PRDM16: variants seen among roughly 807,000 people sequenced by gnomAD.
PRDM16 encodes the protein PR/SET domain 16, also known as histone-lysine N-methyltransferase PRDM16.
In PRDM16, 23 loss-of-function variants were observed where a neutral mutation model predicts 110.6. The observed-to-expected ratio is 0.21, with a 90% CI of 0.15 to 0.29. PRDM16 has a LOEUF of 0.29. Among genes scored for constraint, PRDM16 ranks in the 10% least tolerant of loss-of-function variants. PRDM16 has a pLI of 1.00. For synonymous variants in PRDM16, 799 were observed against 781.8 expected, an observed-to-expected ratio of 1.02 and a Z score of -0.37; for missense variants, 1,615 against 1,794.3, an observed-to-expected ratio of 0.90 and a Z score of 1.81.
At chr1:3,104,544 G>A (rs34368404) in intron 1 of PRDM16, among the ~76,000 whole-genome samples, 15,796 of 152,214 alleles carry the variant, frequency 0.1, 858 homozygotes, top group Middle Eastern at 0.18. Context: ...AAGGGTGGGC[G>A]CCGCAGCCAG....
At chr1:3,374,090 A>G (rs959676123) in intron 3 of PRDM16, among the ~76,000 whole-genome samples, 4 of 152,234 alleles carry the variant, frequency 2.6e-5, no homozygotes, top group African/African-American at 9.6e-5. Context: ...TATATCGGCC[A>G]GCACGAGGCA....
intron 3 of PRDM16, among the ~76,000 whole-genome samples, chr1:3,272,894 A>G (rs1049227256): frequency 1.3e-5 from 2 of 151,844 alleles, no homozygotes; most frequent in Non-Finnish European, 2.9e-5. Context: ...CGGCTCTGCC[A>G]CTCCCCAGCC....
intron 1 of PRDM16, among the ~76,000 whole-genome samples, chr1:3,093,288 G>A (rs1053869616): frequency 6.6e-6 from 1 of 152,232 alleles, no homozygotes; most frequent in Non-Finnish European, 1.5e-5. Context: ...CCATGCTGGG[G>A]CCTGAGCCTG....
intron 1 of PRDM16, among the ~76,000 whole-genome samples, chr1:3,128,804 A>G (rs968834685): frequency 6.6e-6 from 1 of 152,194 alleles, no homozygotes; most frequent in South Asian, 2.1e-4. Flanking sequence ...TAGCCTGAAG[A>G]GTGGACAGCT....
chr1:3,114,836 C>A (rs1465858769), intron 1 of PRDM16, among the ~76,000 whole-genome samples: 1 of 152,268 alleles, frequency 6.6e-6, no homozygotes, highest in East Asian at 1.9e-4. Context: ...TGCAATTGAT[C>A]TCCAGAGTCC....
intron 1 of PRDM16, among the ~76,000 whole-genome samples, chr1:3,089,618 C>A (rs989293803): frequency 1.3e-5 from 2 of 152,260 alleles, no homozygotes; most frequent in African/African-American, 4.8e-5. Context: ...AATGCCCCTG[C>A]CGGTGAGGGG....
intron 1 of PRDM16, among the ~76,000 whole-genome samples, chr1:3,156,820 G>C (rs566465339): frequency 6.6e-6 from 1 of 152,162 alleles, no homozygotes; most frequent in Admixed American, 6.5e-5. Context: ...TCTTCGAGGG[G>C]GGAAGCAGAG....
At position 3,129,646 on chromosome 1, in the gene PRDM16, G is replaced by A. The variant is rs564104157; in HGVS notation, c.38-56479G>A. On this transcript the variant is annotated intron_variant, in intron 1 of 16. Transcript: ENST00000270722. ...TGAAGCAGGTTCTCCCAGGTCCTCC[G>A]CAGTTACGTGGGAGAGCCCAAGGGC... is the stretch of plus-strand genomic sequence containing the variant. Among the ~76,000 whole-genome samples the A allele has an allele frequency of 5.9e-5, 9 of 152,300 alleles. No homozygotes were observed. In the East Asian group the frequency reaches 9.7e-4, roughly 16 times the overall value.
intron 1 of PRDM16, among the ~76,000 whole-genome samples, chr1:3,169,481 C>T (rs952510568): frequency 6.6e-6 from 1 of 152,158 alleles, no homozygotes; most frequent in Non-Finnish European, 1.5e-5. Flanking sequence ...AGCCCCACCC[C>T]TCTCCCGTGC....
At chr1:3,277,799 G>GCACACACAAACA (rs1557576502) in intron 3 of PRDM16, among the ~76,000 whole-genome samples, 3 of 151,934 alleles carry the variant, frequency 2.0e-5, no homozygotes, top group African/African-American at 7.3e-5. Context: ...ACACACAAAC[G>GCACACACAAACA]CACAGTTGTG....
intron 1 of PRDM16, among the ~76,000 whole-genome samples, chr1:3,078,955 G>C (rs1641957785): frequency 6.6e-6 from 1 of 152,226 alleles, no homozygotes; most frequent in East Asian, 1.9e-4. Context: ...CAGAGAGGCT[G>C]GTCATATCAG....
rs149398551 is a variant in PRDM16 at position 3,341,673 on chromosome 1, C to T, written c.439-43479C>T. On this transcript the variant is annotated intron_variant, in intron 3 of 16. Coordinates refer to ENST00000270722, the MANE Select transcript of PRDM16 (RefSeq NM_022114.4). The stretch of plus-strand genomic sequence containing the variant: ...TCATAATAATTCAATAGAAAACATA[C>T]GTCGGGTTTTGAGTTTTGATATTTT... 2.2e-3 allele frequency among the ~76,000 whole-genome samples: 328 copies of T among 152,344 alleles called. 2 individuals carry two copies. The highest frequency in any genetic ancestry group is 6.3e-3 in the Admixed American group (96 of 15,312).
chr1:3,271,208 T>C (rs987575897), intron 3 of PRDM16, among the ~76,000 whole-genome samples: 27 of 152,316 alleles, frequency 1.8e-4, no homozygotes, highest in African/African-American at 6.3e-4. Context: ...AGTCCTCTTA[T>C]ACAGATATCC....
intron 10 of PRDM16, among the ~76,000 whole-genome samples, chr1:3,416,345 C>T (rs536823973): frequency 7.9e-5 from 12 of 152,288 alleles, no homozygotes; most frequent in African/African-American, 2.4e-4. Context: ...AGACCCCAGC[C>T]GCGTGATGGG....
At chr1:3,303,198 C>A (rs1463140469) in intron 3 of PRDM16, among the ~76,000 whole-genome samples, 1 of 151,410 alleles carries the variant, frequency 6.6e-6, no homozygotes, top group Non-Finnish European at 1.5e-5. Context: ...CAGAAAGAAA[C>A]CTCTGACCAT....
At chr1:3,426,792 G>T (rs2493280) in intron 14 of PRDM16, among the ~76,000 whole-genome samples, 25,566 of 152,180 alleles carry the variant, frequency 0.17, 3,939 homozygotes, top group East Asian at 0.48. Flanking sequence ...TGCTCTGGGA[G>T]CTGCAGTTTA....
At chr1:3,171,230 T>G (rs192511774) in intron 1 of PRDM16, among the ~76,000 whole-genome samples, 9 of 152,366 alleles carry the variant, frequency 5.9e-5, no homozygotes, top group Admixed American at 2.0e-4. Context: ...ACTAAAGAGA[T>G]AAATAAGTCT....
chr1:3,351,913 G>C (rs748198725), intron 3 of PRDM16, among the ~76,000 whole-genome samples: 171 of 151,698 alleles, frequency 1.1e-3, no homozygotes, highest in Non-Finnish European at 2.1e-3. Flanking sequence ...TGGGGGCGGG[G>C]AGGCACTGAT....
At chr1:3,250,281 T>C (rs906312252) in intron 3 of PRDM16, among the ~76,000 whole-genome samples, 3 of 152,094 alleles carry the variant, frequency 2.0e-5, no homozygotes, top group Admixed American at 2.0e-4. Flanking sequence ...CAGCCGGCCC[T>C]GGGTGGACTC....
Sources: allele counts gnomAD v4.1 joint callset (sites outside exome capture counted in the v4.1 genomes callset), GRCh38; gene constraint gnomAD v4.1.1; transcripts MANE v1.5; gene names NCBI Gene and HGNC (gene_info 2026-07-23, HGNC 2026-07-21).